The following AP5Z1 variants were observed in gnomAD, a reference collection of about 807,000 sequenced individuals.
AP5Z1 encodes AP-5 complex subunit zeta-1.
Under a neutral mutation model 83.0 loss-of-function variants are expected in AP5Z1, and 106 were observed. That is an observed-to-expected ratio of 1.28 (90% CI 1.09 to 1.50). The LOEUF (loss-of-function observed/expected upper bound fraction) is 1.50. Ranked by LOEUF, AP5Z1 falls within the 40% of genes most tolerant of loss-of-function variation. The probability of loss-of-function intolerance (pLI) is 0.00; values close to 1 mark genes in which losing one functional copy is unlikely to be tolerated. For synonymous variants in AP5Z1, 751 were observed against 514.1 expected (o/e 1.46, Z -6.23); for missense variants, 1,565 against 1,094.2 (o/e 1.43, Z -6.07).
Position 4,788,303 on chromosome 7 carries a change from C to T in AP5Z1, c.1595+9C>T, listed in dbSNP as rs565857673. The T allele has an allele frequency of 1.1e-5, 18 of 1,577,920 alleles. No homozygotes were observed. The South Asian group carries it at 1.7e-4, about 15-fold the overall frequency. ...AGTGGCGCCACTGAGAGGTACGGGGCCCTAGGGCCAGGGGGCCACCAGTGG... is the reference window on the plus strand; with the variant it reads ...AGTGGCGCCACTGAGAGGTACGGGGTCCTAGGGCCAGGGGGCCACCAGTGG... On this transcript the variant is annotated intron_variant, in intron 12 of 16. Transcript: ENST00000649063.
intron 10 of AP5Z1, 131 bp from the exon 11 acceptor site, chr7:4,787,503 G>T: frequency 7.6e-7 from 1 of 1,322,074 alleles, no homozygotes; most frequent in Non-Finnish European, 1.0e-6. Context: ...TAAAAAGCGG[G>T]AGGAGGCAAA....
chr7:4,776,197 C>T (rs1337767799), intron 1 of AP5Z1, among the ~76,000 whole-genome samples: 1 of 151,974 alleles, frequency 6.6e-6, no homozygotes, highest in Non-Finnish European at 1.5e-5. Context: ...TTTGCGGAAC[C>T]GTGGGAGGGT....
intron 1 of AP5Z1, among the ~76,000 whole-genome samples, chr7:4,780,541 G>A (rs1385424562): frequency 1.3e-5 from 2 of 152,116 alleles, no homozygotes; most frequent in Non-Finnish European, 2.9e-5. Context: ...GAGGTGGGCA[G>A]ATCACGATGT....
chr7:4,784,030 G>C (rs779298806), intron 5 of AP5Z1, among the ~76,000 whole-genome samples, 173 bp from the exon 6 acceptor site: 1 of 152,178 alleles, frequency 6.6e-6, no homozygotes, highest in Non-Finnish European at 1.5e-5. Flanking sequence ...TGTGCGACGC[G>C]CGTCTGCCTG....
chr7:4,780,108 C>A (rs1167039417), intron 1 of AP5Z1, among the ~76,000 whole-genome samples: 1 of 152,068 alleles, frequency 6.6e-6, no homozygotes, highest in African/African-American at 2.4e-5. Flanking sequence ...CAGGGAGTCC[C>A]CAGAGTCCCC....
chr7:4,784,306 C>A lies in AP5Z1; in HGVS notation c.725C>A (p.Ala242Asp). The A allele has an allele frequency of 6.2e-7, 1 of 1,602,576 alleles. No individual in the cohort carries two copies. The highest frequency in any genetic ancestry group is 8.5e-7 in the Non-Finnish European group (1 of 1,175,590). ...GACGACCAGTGGCTGAACGTGCAGG[C>A]CTTCTCTATGCTGCGGGCGTGGCTG... ...FTDDQWLNVQ[A>D]FSMLRAWLLH... The change falls in exon 6 of 17, where the codon GCC (alanine) becomes GAC (aspartate). Residue 242 changes from alanine to aspartate, a missense_variant. By Grantham distance (126) the Ala-to-Asp change is moderately radical. Transcript: ENST00000649063.
At position 4,789,920 on chromosome 7, in the gene AP5Z1, G is replaced by C; in HGVS notation, c.1796G>C (p.Gly599Ala). 12 of 1,544,750 alleles carry C rather than the reference G, an allele frequency of 7.8e-6. No individual in the cohort carries two copies. Among genetic ancestry groups the C allele is most frequent in the Non-Finnish European group, 1.0e-5 (12 of 1,143,904 alleles). The change falls in exon 14 of 17, where the codon GGT (glycine) becomes GCT (alanine). Residue 599 changes from glycine (G) to alanine (A), a missense_variant. Coordinates refer to ENST00000649063, the MANE Select transcript of AP5Z1 (RefSeq NM_014855.3). ...SLYPAPGYAAGVHSVLSSQFL... is the reference protein window; with the variant it reads ...SLYPAPGYAAAVHSVLSSQFL... ...TACCCGGCCCCAGGGTACGCTGCCG[G>C]TGTGCACAGGTAGGTCCCTCCTGCG...
intron 9 of AP5Z1, 105 bp downstream of exon 9, chr7:4,785,789 A>G (rs1648983398): frequency 2.2e-6 from 3 of 1,337,358 alleles, no homozygotes; most frequent in Non-Finnish European, 2.9e-6. Flanking sequence ...TTGATTGAAT[A>G]GAGACAGGGG....
chr7:4,783,650 A>G (rs528229484), intron 4 of AP5Z1, 39 bp from the exon 5 acceptor site: 82 of 1,535,970 alleles, frequency 5.3e-5, no homozygotes, highest in Non-Finnish European at 7.1e-5. Context: ...CATCTGTAGG[A>G]TTCAACCTCA....
intron 12 of AP5Z1, chr7:4,788,507 CATCAACCCTCATAAGCTTGGAGGTT>C (rs1781632767): frequency 3.3e-6 from 2 of 602,470 alleles, no homozygotes; most frequent in Non-Finnish European, 5.5e-6. Flanking sequence ...CTGCTGCCCA[CATCAACCCTCATAAGCTTGGAGGTT>C]GGCCCTGTGG....
chr7:4,775,653 G>GAGCTCCTGGGCTGC lies in AP5Z1; in HGVS notation c.-53_-40dup, dbSNP rs1389771048. ...GGTCCCGGAAGTTGACCGGGGTGCG[G>GAGCTCCTGGGCTGC]AGCTCCTGGGCTGCAGCTCCTGGAG... is the stretch of plus-strand genomic sequence containing the variant. On this transcript the variant is annotated 5_prime_UTR_variant, in exon 1 of 17. Coordinates refer to ENST00000649063, the MANE Select transcript of AP5Z1 (RefSeq NM_014855.3). The GAGCTCCTGGGCTGC allele has an allele frequency of 9.2e-5, 147 of 1,598,372 alleles. No individual in the cohort carries two copies. The highest frequency in any genetic ancestry group is 5.4e-4 in the Admixed American group (32 of 59,298).
At chr7:4,789,045 G>T (rs1158104694) in intron 13 of AP5Z1, 94 bp downstream of exon 13, 7 of 1,104,726 alleles carry the variant, frequency 6.3e-6, no homozygotes, top group Admixed American at 2.2e-5. Context: ...GAGCTCTGCA[G>T]AAGGCTGCTC....
intron 13 of AP5Z1, among the ~76,000 whole-genome samples, chr7:4,789,237 G>T (rs532521500): frequency 7.1e-6 from 1 of 140,732 alleles, no homozygotes; most frequent in Non-Finnish European, 1.5e-5. Flanking sequence ...CCTTCATCCC[G>T]GCAGGTCCTG....
At chr7:4,789,539 C>T (rs558857079) in intron 13 of AP5Z1, among the ~76,000 whole-genome samples, 108 of 152,320 alleles carry the variant, frequency 7.1e-4, no homozygotes, top group Middle Eastern at 6.8e-3. Context: ...GTTGCTTGGG[C>T]GCACCCTTGG....
At chr7:4,789,985 CCCCCT>C in intron 14 of AP5Z1, 56 bp downstream of exon 14, 1 of 789,968 alleles carries the variant, frequency 1.3e-6, no homozygotes, top group Non-Finnish European at 1.8e-6. Context: ...CTGGACTCCT[CCCCCT>C]CTCCCCTCCC....
Position 4,791,338 on chromosome 7 carries a change from A to G in AP5Z1, c.2377A>G (p.Thr793Ala), listed in dbSNP as rs769712722. The change falls in exon 17 of 17, where the codon ACG (threonine) becomes GCG (alanine). Residue 793 changes from threonine to alanine, a missense_variant. Coordinates refer to ENST00000649063, the MANE Select transcript of AP5Z1 (RefSeq NM_014855.3). ...ANTALPLALR[T>A]VSRLVEREAG... ...CACGGCCCTGCCCCTGGCCCTGCGC[A>G]CGGTCAGCCGGCTGGTGGAGAGGGA... 17 of 1,609,952 alleles carry G rather than the reference A, an allele frequency of 1.1e-5. No homozygotes were observed. In the South Asian group the frequency reaches 1.8e-4, roughly 17 times the overall value.
intron 12 of AP5Z1, 141 bp from the exon 13 acceptor site, chr7:4,788,699 G>A: frequency 1.4e-6 from 1 of 721,472 alleles, no homozygotes; most frequent in Non-Finnish European, 2.2e-6. Flanking sequence ...CCAAACCCAG[G>A]GGAGCAGGAG....
In AP5Z1 at chr7:4,787,545, G is replaced by C; in HGVS notation, c.1312-89G>C. 2.0e-6 allele frequency: 3 copies of C among 1,488,416 alleles called. No individual in the cohort carries two copies. In the South Asian group the frequency reaches 3.9e-5, roughly 19 times the overall value. The allele number at this position is 1,488,416 out of a possible 1,614,324, so 92.2% of individuals were successfully genotyped here. ...AGCCCTCCTGGGGACTGCAGGTCTG[G>C]GACAGCTGTGGGGCCCTAGCTGGCT... On this transcript the variant is annotated intron_variant, in intron 10 of 16. Transcript: ENST00000649063.
chr7:4,786,271 C>T lies in AP5Z1; in HGVS notation c.1154C>T (p.Ser385Leu), dbSNP rs765200689. ...LSHGEAAAVD[S>L]EAVYQHLFTR... ...GCAGGGGAAGCGGCTGCAGTGGACT[C>T]GGAAGCCGTCTACCAGCACCTGTTC... Residue 385 changes from serine to leucine, a missense_variant, in exon 10 of 17, where the codon TCG becomes TTG. By Grantham distance (145) the Ser-to-Leu change is moderately radical (BLOSUM62 -2). Coordinates refer to ENST00000649063, the MANE Select transcript of AP5Z1 (RefSeq NM_014855.3). 4.8e-5 allele frequency: 78 copies of T among 1,609,600 alleles called. No individual in the cohort carries two copies. Among genetic ancestry groups the T allele is most frequent in the African/African-American group, 9.4e-5 (7 of 74,854 alleles).
Sources: gnomAD v4.1 joint callset for allele counts (sites outside exome capture counted in the v4.1 genomes callset) on GRCh38, gnomAD v4.1.1 for gene constraint, MANE v1.5 for transcripts, NCBI Gene and HGNC (gene_info 2026-07-23, HGNC 2026-07-21) for gene names.